GRP: variants seen among roughly 807,000 people sequenced by gnomAD.
The protein encoded by GRP is gastrin releasing peptide, also known as gastrin-releasing peptide.
In GRP, 11 loss-of-function variants were observed where a neutral mutation model predicts 12.7. The observed-to-expected ratio is 0.87, with a 90% CI of 0.55 to 1.44. The LOEUF is 1.44. GRP is among the 40% of genes most tolerant of loss of function. The probability of loss-of-function intolerance (pLI) is 0.00; values close to 1 mark genes in which losing one functional copy is unlikely to be tolerated. For synonymous variants in GRP, 84 were observed against 77.7 expected, an observed-to-expected ratio of 1.08 and a Z score of -0.43; for missense variants, 212 against 185.4, an observed-to-expected ratio of 1.14 and a Z score of -0.83.
intron 1 of GRP, among the ~76,000 whole-genome samples, chr18:59,221,776 C>T (rs1369041985): frequency 6.6e-6 from 1 of 152,006 alleles, no homozygotes; most frequent in East Asian, 1.9e-4. Context: ...TCGTCTGTGT[C>T]GTGTGTGCTT....
chr18:59,227,093 CT>C (rs2069954588), intron 2 of GRP, among the ~76,000 whole-genome samples: 2 of 140,934 alleles, frequency 1.4e-5, no homozygotes, highest in South Asian at 2.2e-4. Flanking sequence ...CTTGCTCTCT[CT>C]CTCTCTTTTT....
intron 1 of GRP, among the ~76,000 whole-genome samples, chr18:59,224,316 C>T (rs2069881000): frequency 6.6e-6 from 1 of 152,190 alleles, no homozygotes; most frequent in Non-Finnish European, 1.5e-5. Flanking sequence ...AACTGCAAAT[C>T]GCAATACACA....
intron 1 of GRP, among the ~76,000 whole-genome samples, chr18:59,223,129 T>C (rs2069861765): frequency 6.6e-6 from 1 of 152,246 alleles, no homozygotes; most frequent in Admixed American, 6.5e-5. Flanking sequence ...TAGTAGTATC[T>C]TTAAATGATT....
rs1285895346 is a variant in GRP at position 59,225,641 on chromosome 18, C to A, written c.289C>A (p.Gln97Lys). 1.2e-6 allele frequency: 2 copies of A among 1,613,968 alleles called. No homozygotes were observed. Among genetic ancestry groups the A allele is most frequent in the Non-Finnish European group, 1.7e-6 (2 of 1,179,982 alleles). ...LIEAKENRNHQPPQPKALGNQ... is the reference protein window; with the variant it reads ...LIEAKENRNHKPPQPKALGNQ... Reference sequence around the variant, plus strand: ...AGAAGCAAAGGAGAACAGAAACCACCAGCCACCTCAACCCAAGGCCCTGGG... The same window carrying A: ...AGAAGCAAAGGAGAACAGAAACCACAAGCCACCTCAACCCAAGGCCCTGGG... The change falls in exon 2 of 3, where the codon CAG (glutamine) becomes AAG (lysine). Residue 97 changes from glutamine (Q) to lysine (K), a missense_variant. Gln to Lys is a moderately conservative substitution (Grantham distance 53). Transcript: ENST00000256857.
At chr18:59,223,466 AAGTT>A (rs1406785146) in intron 1 of GRP, among the ~76,000 whole-genome samples, 2 of 151,936 alleles carry the variant, frequency 1.3e-5, no homozygotes, top group East Asian at 1.9e-4. Flanking sequence ...CAAGTACTGA[AAGTT>A]AGTACAATCA....
intron 2 of GRP, among the ~76,000 whole-genome samples, chr18:59,227,688 C>A (rs2069965904): frequency 6.6e-6 from 1 of 152,168 alleles, no homozygotes; most frequent in African/African-American, 2.4e-5. Context: ...TCTATAGTGC[C>A]TCATTTTTGA....
In GRP at chr18:59,224,904, C is replaced by CAA. The variant is rs1188367688; in HGVS notation, c.140-587_140-586insAA. Reference sequence around the variant, plus strand: ...AAACAGTAAATCTGGGTAGTTTTCTCAGTTCAGTCTCAACTAAAACTCTGA... The same window carrying CAA: ...AAACAGTAAATCTGGGTAGTTTTCTCAAAGTTCAGTCTCAACTAAAACTCTGA... On this transcript the variant is annotated intron_variant, in intron 1 of 2. Transcript: ENST00000256857. Among the ~76,000 whole-genome samples, 3 of 152,156 alleles carry CAA rather than the reference C, an allele frequency of 2.0e-5. No homozygotes were observed. The East Asian group carries it at 5.8e-4, about 29-fold the overall frequency.
intron 1 of GRP, among the ~76,000 whole-genome samples, chr18:59,225,076 A>G (rs1017323890): frequency 1.3e-5 from 2 of 152,264 alleles, no homozygotes; most frequent in Non-Finnish European, 1.5e-5. Context: ...TTTAAACTCC[A>G]TCTTTCAGCT....
chr18:59,228,693 T>A (rs1217202157), intron 2 of GRP, among the ~76,000 whole-genome samples: 1 of 152,226 alleles, frequency 6.6e-6, no homozygotes, highest in Non-Finnish European at 1.5e-5. Context: ...TTCTCACAAA[T>A]CTTTTAATTC....
rs1349077025 is a variant in GRP, at chr18:59,220,204, G to A, written c.-62G>A. On this transcript the variant is annotated 5_prime_UTR_variant, in exon 1 of 3. Transcript: ENST00000256857. ...GGCGGCGGAGCTCCTCCGAGGTCCG[G>A]GTCACCAGTCTCTGCTCTTCCCAGC... is the stretch of plus-strand genomic sequence containing the variant. 1.5e-6 allele frequency: 2 copies of A among 1,338,260 alleles called. No homozygotes were observed. Among genetic ancestry groups the A allele is most frequent in the Non-Finnish European group, 1.9e-6 (2 of 1,036,102 alleles). 82.9% of individuals were successfully genotyped at this position (1,338,260 alleles called of 1,614,324 possible).
intron 2 of GRP, among the ~76,000 whole-genome samples, chr18:59,228,008 C>CTAT (rs1174185019): frequency 6.6e-6 from 1 of 152,076 alleles, no homozygotes; most frequent in Non-Finnish European, 1.5e-5. Flanking sequence ...CTTTGCTTTT[C>CTAT]TATTATTTTT....
chr18:59,225,603 T>G lies in GRP; in HGVS notation c.251T>G (p.Leu84Trp). ...AGGTGGGAAGAAGCTGCAAGGAATT[T>G]GCTGGGTCTCATAGAAGCAAAGGAG... ...YIRWEEAARN[L>W]LGLIEAKENR... Residue 84 changes from leucine (L) to tryptophan (W), a missense_variant, in exon 2 of 3, where the codon TTG becomes TGG. Transcript: ENST00000256857. The G allele has an allele frequency of 6.2e-7, 1 of 1,614,124 alleles. No homozygotes were observed. Among genetic ancestry groups the G allele is most frequent in the Non-Finnish European group, 8.5e-7 (1 of 1,180,006 alleles).
chr18:59,226,987 T>TTC (rs1162018564), intron 2 of GRP, among the ~76,000 whole-genome samples: 1 of 140,258 alleles, frequency 7.1e-6, no homozygotes, highest in African/African-American at 2.9e-5. Flanking sequence ...GTGGTTTCTT[T>TTC]TCTTCCTTTC....
chr18:59,224,639 CT>C (rs1424753556), intron 1 of GRP, among the ~76,000 whole-genome samples: 1 of 152,140 alleles, frequency 6.6e-6, no homozygotes, highest in Non-Finnish European at 1.5e-5. Context: ...GAATGCAGAC[CT>C]TGAATTCTGT....
intron 1 of GRP, 134 bp downstream of exon 1, chr18:59,220,538 G>A (rs1416473039): frequency 1.5e-6 from 1 of 679,314 alleles, no homozygotes; most frequent in Non-Finnish European, 2.2e-6. Context: ...CCTTTCTATC[G>A]GCAAACACCT....
At chr18:59,225,175 T>G (rs2069896837) in intron 1 of GRP, among the ~76,000 whole-genome samples, 1 of 152,102 alleles carries the variant, frequency 6.6e-6, no homozygotes, top group Non-Finnish European at 1.5e-5. Context: ...CCTGTTCATT[T>G]TATAGTTGAG....
intron 2 of GRP, among the ~76,000 whole-genome samples, chr18:59,228,597 C>G (rs574718147): frequency 6.6e-6 from 1 of 152,296 alleles, no homozygotes; most frequent in African/African-American, 2.4e-5. Flanking sequence ...AACTAGATTG[C>G]TCGACCATGG....
At chr18:59,224,096 AT>A (rs1326979511) in intron 1 of GRP, among the ~76,000 whole-genome samples, 1 of 152,202 alleles carries the variant, frequency 6.6e-6, no homozygotes, top group African/African-American at 2.4e-5. Context: ...CCTTATCCTT[AT>A]TTCCAGATCC....
chr18:59,220,574 C>T (rs2069815517), intron 1 of GRP, among the ~76,000 whole-genome samples, 170 bp downstream of exon 1: 1 of 152,146 alleles, frequency 6.6e-6, no homozygotes, highest in African/African-American at 2.4e-5. Context: ...AACTCCACCC[C>T]ACCTTTCCCC....
Sources: gnomAD v4.1 joint callset for allele counts (sites outside exome capture counted in the v4.1 genomes callset) on GRCh38, gnomAD v4.1.1 for gene constraint, MANE v1.5 for transcripts, NCBI Gene and HGNC (gene_info 2026-07-23, HGNC 2026-07-21) for gene names.